The following LCTL variants were observed in gnomAD, a reference collection of about 807,000 sequenced individuals.
The protein encoded by LCTL is lactase-like protein.
LCTL carries 76 observed loss-of-function variants against 75.8 expected under a neutral mutation model. The observed-to-expected ratio is 1.00, with a 90% confidence interval of 0.83 to 1.21. The LOEUF is 1.21. LCTL is among the 50% of genes most tolerant of loss of function. The pLI, the probability that LCTL is intolerant of heterozygous loss-of-function variation, is 0.00. For missense variants in LCTL, 670 were observed against 712.4 expected (o/e 0.94, Z 0.68); for synonymous variants, 271 against 268.8 (o/e 1.01, Z -0.08).
At chr15:66,562,227 A>G (rs944309419) in intron 4 of LCTL, among the ~76,000 whole-genome samples, 7 of 152,044 alleles carry the variant, frequency 4.6e-5, no homozygotes, top group Non-Finnish European at 8.8e-5. Context: ...ACATGGCGAA[A>G]CCCTGTCTTT....
chr15:66,555,899 C>G (rs1031081356), intron 8 of LCTL, among the ~76,000 whole-genome samples: 2 of 152,246 alleles, frequency 1.3e-5, no homozygotes, highest in African/African-American at 4.8e-5. Context: ...GATGTATAAG[C>G]ACATGAAAAG....
exon 1 of LCTL, chr15:66,565,293 C>A (rs143621593): frequency 6.2e-7 from 1 of 1,613,762 alleles, no homozygotes; most frequent in East Asian, 2.2e-5. Flanking sequence ...TCTGGGGACC[C>A]CTTCCGGGCG....
At chr15:66,552,682 A>G (rs902003675) in intron 9 of LCTL, among the ~76,000 whole-genome samples, 1 of 142,798 alleles carries the variant, frequency 7.0e-6, no homozygotes, top group Non-Finnish European at 1.6e-5. Flanking sequence ...AAAAAAAAAA[A>G]AAAAAAACAT....
chr15:66,557,846 T>A (rs780258933), exon 8 of LCTL: 9 of 1,614,040 alleles, frequency 5.6e-6, no homozygotes, highest in Admixed American at 1.7e-5. Flanking sequence ...TGTCCACAGG[T>A]TCCCCCCAGT....
At chr15:66,563,982 A>T in exon 3 of LCTL, 1 of 1,613,854 alleles carries the variant, frequency 6.2e-7, no homozygotes, top group Non-Finnish European at 8.5e-7. Flanking sequence ...CAGTTCCCTC[A>T]GCAGAATGAT....
At chr15:66,553,353 G>T in intron 8 of LCTL, 95 bp from the exon 10 acceptor site, 1 of 1,105,214 alleles carries the variant, frequency 9.0e-7, no homozygotes, top group Non-Finnish European at 1.3e-6. Flanking sequence ...GACATAAACG[G>T]TGGGCTTTAG....
exon 1 of LCTL, chr15:66,565,299 G>C: frequency 1.9e-6 from 3 of 1,613,694 alleles, no homozygotes; most frequent in Non-Finnish European, 2.5e-6. Flanking sequence ...GACCCCTTCC[G>C]GGCGGCCCCC....
Position 66,552,178 on chromosome 15 carries a change from G to C in LCTL, c.1198-9C>G. ...GGATCACCGTATTGAGTCTGAAAGT[G>C]AGTCATAGCAACAAATATCTTAAAA... is the stretch of plus-strand genomic sequence containing the variant. On this transcript the variant is annotated splice_polypyrimidine_tract_variant and intron_variant, in intron 9 of 12. Coordinates refer to ENST00000341509, the Ensembl canonical transcript of LCTL. The C allele has an allele frequency of 3.7e-6, 6 of 1,601,770 alleles. No homozygotes were observed. The highest frequency in any genetic ancestry group is 5.1e-6 in the Non-Finnish European group (6 of 1,176,822).
intron 2 of LCTL, 31 bp downstream of exon 3, chr15:66,564,645 G>GCA (rs566749454): frequency 1.6e-5 from 26 of 1,577,372 alleles, no homozygotes; most frequent in Middle Eastern, 1.7e-4. Flanking sequence ...GCACGCGCGC[G>GCA]CACACACACA....
chr15:66,555,410 A>G (rs1483721817), intron 8 of LCTL, among the ~76,000 whole-genome samples: 1 of 151,982 alleles, frequency 6.6e-6, no homozygotes, highest in Non-Finnish European at 1.5e-5. Flanking sequence ...GCATGATGGC[A>G]GGTGCCTGTA....
chr15:66,552,537 G>A (rs971878169), intron 9 of LCTL, among the ~76,000 whole-genome samples: 2 of 152,048 alleles, frequency 1.3e-5, no homozygotes, highest in Non-Finnish European at 2.9e-5. Flanking sequence ...CAGGCGTGGT[G>A]GCATACGCCT....
chr15:66,564,017 G>A lies in LCTL; in HGVS notation c.283-19C>T. ...TGTCCTCCTGTGCAGACAGGGGTGG[G>A]GAGACAGGTCACCTGGGCCCTGGGT... On this transcript the variant is annotated intron_variant, in intron 2 of 12. Coordinates refer to ENST00000341509, the Ensembl canonical transcript of LCTL. The A allele has an allele frequency of 1.9e-6, 3 of 1,570,832 alleles. No homozygotes were observed. Among genetic ancestry groups the A allele is most frequent in the Non-Finnish European group, 2.6e-6 (3 of 1,141,056 alleles).
intron 9 of LCTL, among the ~76,000 whole-genome samples, chr15:66,552,439 G>A (rs1475919015): frequency 1.3e-5 from 2 of 152,184 alleles, no homozygotes; most frequent in Non-Finnish European, 2.9e-5. Flanking sequence ...GGGAGGCCAA[G>A]GTGGGCAGAT....
At chr15:66,564,217 G>C in intron 2 of LCTL, 1 of 579,118 alleles carries the variant, frequency 1.7e-6, no homozygotes. Context: ...GAGGCACTGA[G>C]AGAAGTCCAT....
At chr15:66,565,932 G>A (rs979950567), upstream of LCTL, 2 of 153,218 alleles carry the variant, frequency 1.3e-5, no homozygotes, top group African/African-American at 4.8e-5. Context: ...GACCCCCAGG[G>A]CCTACGCTGT....
Position 66,553,054 on chromosome 15 carries a change from C to T in LCTL, c.1127G>A (p.Trp376Ter), listed in dbSNP as rs1233231484. The T allele has an allele frequency of 6.3e-7, 1 of 1,598,014 alleles. No individual in the cohort carries two copies. The highest frequency in any genetic ancestry group is 8.5e-7 in the Non-Finnish European group (1 of 1,172,592). The change falls in exon 9 of 13, where the codon TGG (tryptophan) becomes TAG (stop). Residue 376 changes from tryptophan (W) to a stop codon, truncating the protein, a stop_gained. Transcript: ENST00000341509. LOFTEE classifies it high-confidence loss of function. ...TAGCCATTTAGACCCCAGATCTGGC[C>T]AGTTTGGGTCAACCAGCTCTATCAA... is the stretch of plus-strand genomic sequence containing the variant.
At chr15:66,561,990 C>T (rs1287725311) in intron 4 of LCTL, among the ~76,000 whole-genome samples, 1 of 152,154 alleles carries the variant, frequency 6.6e-6, no homozygotes, top group African/African-American at 2.4e-5. Flanking sequence ...CTGAACCGAA[C>T]TGCTTGCCCA....
chr15:66,557,632 T>C (rs1351350809), intron 8 of LCTL, 90 bp downstream of exon 9: 3 of 1,323,384 alleles, frequency 2.3e-6, no homozygotes, highest in Non-Finnish European at 3.2e-6. Flanking sequence ...CCAGGCCCAG[T>C]GAGCTCTTCA....
chr15:66,563,559 T>C (rs1431283996), exon 4 of LCTL: 2 of 1,612,518 alleles, frequency 1.2e-6, no homozygotes, highest in Non-Finnish European at 1.7e-6. Context: ...GGGAGTGATG[T>C]TGCTGCTCAG....
Sources: allele counts gnomAD v4.1 joint callset (sites outside exome capture counted in the v4.1 genomes callset), GRCh38; gene constraint gnomAD v4.1.1; transcripts MANE v1.5; gene names NCBI Gene and HGNC (gene_info 2026-07-23, HGNC 2026-07-21).